Variants in HIP1R observed in about 807,000 individuals in gnomAD.
HIP1R encodes huntingtin-interacting protein 1-related protein.
A neutral mutation model predicts 144.2 loss-of-function variants in HIP1R; 135 were observed. That is an observed-to-expected ratio of 0.94 (90% CI 0.81 to 1.08). The LOEUF is 1.08. Ranked by LOEUF, HIP1R falls within the 50% of genes least tolerant of loss-of-function variation. The pLI is 0.00. For missense variants in HIP1R, 1,462 were observed against 1,432.8 expected (o/e 1.02, Z -0.33); for synonymous variants, 698 against 612.8 (o/e 1.14, Z -2.05).
intron 8 of HIP1R, 55 bp downstream of exon 8, chr12:122,854,238 C>T: frequency 6.9e-7 from 1 of 1,455,740 alleles, no homozygotes; most frequent in Non-Finnish European, 9.2e-7. Context: ...ATGGCTTAGA[C>T]ATTCACTGTC....
rs1372898071 is a variant in HIP1R, at chr12:122,835,496, G to A, written c.-55G>A. On this transcript the variant is annotated 5_prime_UTR_variant, in exon 1 of 32. The change creates a new upstream start codon in the 5' untranslated region. Coordinates refer to ENST00000253083, the MANE Select transcript of HIP1R (RefSeq NM_003959.3). ...GTGCCTAGGCTGGGGCTGCCGGACC[G>A]TGAGGCTGTGAGTCGCGCGGACGGA... 31 of 1,259,844 alleles carry A rather than the reference G, an allele frequency of 2.5e-5. No individual in the cohort carries two copies. The highest frequency in any genetic ancestry group is 3.2e-5 in the African/African-American group (2 of 63,472). 78.0% of individuals were successfully genotyped at this position (1,259,844 alleles called of 1,614,324 possible). A position where few individuals can be genotyped will look rare whatever the true frequency, so the allele number is the denominator to read the frequency against.
At chr12:122,857,327 A>G in intron 18 of HIP1R, 112 bp downstream of exon 18, 1 of 1,006,670 alleles carries the variant, frequency 9.9e-7, no homozygotes, top group South Asian at 1.4e-5. Context: ...GGGATCATAC[A>G]CGATGCATCC....
In HIP1R at chr12:122,836,819, G is replaced by A. The variant is rs1315692673; in HGVS notation, c.93+1176G>A. On this transcript the variant is annotated intron_variant, in intron 1 of 31. Coordinates refer to ENST00000253083, the MANE Select transcript of HIP1R (RefSeq NM_003959.3). This position sits in a 1 kb window ranked among gnomAD's most constrained non-coding sequence, Gnocchi z 4.1. ...TACAACAGCTTTCGTTTTGAAATGA[G>A]AGAGAACGCAGGGAGACCTTCTAAC... 1.3e-5 allele frequency among the ~76,000 whole-genome samples: 2 copies of A among 152,184 alleles called. No homozygotes were observed. The highest frequency in any genetic ancestry group is 2.1e-4 in the South Asian group (1 of 4,820).
chr12:122,850,754 G>T lies in HIP1R; in HGVS notation c.439-81G>T, dbSNP rs377187647. On this transcript the variant is annotated intron_variant, in intron 5 of 31. Transcript: ENST00000253083. ...GGCCCTGGTTCAGTGGCCGCTGGGT[G>T]GGGGGGAGCCCTGGTTCGGTGGCCG... The T allele has an allele frequency of 3.1e-4, 275 of 897,252 alleles. 5 individuals are homozygous for T. The East Asian group carries it at 8.9e-3, about 29-fold the overall frequency. The allele number at this position is 897,252 out of a possible 1,614,324, so 55.6% of individuals were successfully genotyped here.
In HIP1R at chr12:122,848,617, C is replaced by A; in HGVS notation, c.300+9C>A. On this transcript the variant is annotated intron_variant, in intron 3 of 31. Transcript: ENST00000253083. ...GAGACGGGCACCCCAATGTGAGTAG[C>A]AGCTGCTGCCTCTGCTCCCCGGAGC... 1 of 1,606,458 alleles carries A rather than the reference C, an allele frequency of 6.2e-7. No homozygotes were observed. The highest frequency in any genetic ancestry group is 2.2e-5 in the East Asian group (1 of 44,750).
rs540293097 is a variant in HIP1R at position 122,860,715 on chromosome 12, G to A, written c.2697G>A (p.Lys899=). The change falls in exon 28 of 32, where the codon AAG becomes AAA. Residue 899 remains lysine (K), a synonymous_variant. Transcript: ENST00000253083. ...AADKVVLHTG[K]YEELIVCSHE... is the part of the protein sequence containing the mutation. Reference sequence around the variant, plus strand: ...ACAAGGTGGTGCTTCACACGGGCAAGTATGAGGAGCTCATCGTCTGCTCCC... The same window carrying A: ...ACAAGGTGGTGCTTCACACGGGCAAATATGAGGAGCTCATCGTCTGCTCCC... The A allele has an allele frequency of 6.2e-7, 1 of 1,613,410 alleles. No individual in the cohort carries two copies. Among genetic ancestry groups the A allele is most frequent in the East Asian group, 2.2e-5 (1 of 44,870 alleles).
chr12:122,834,951 T>A (rs1000485485), upstream of HIP1R: 28 of 1,288,994 alleles, frequency 2.2e-5, no homozygotes, highest in African/African-American at 4.1e-4. Context: ...ACCAGACTCA[T>A]GGAGGCCAGA....
At chr12:122,856,218 C>G (rs1234106721) in intron 14 of HIP1R, 38 bp from the exon 15 acceptor site, 1 of 1,612,978 alleles carries the variant, frequency 6.2e-7, no homozygotes, top group South Asian at 1.1e-5. Context: ...CCCCTGCCAC[C>G]CCACACGGGG....
Position 122,835,478 on chromosome 12 carries a change from G to A in HIP1R, c.-73G>A, listed in dbSNP as rs1214887985. On this transcript the variant is annotated 5_prime_UTR_variant, in exon 1 of 32. Transcript: ENST00000253083. ...CGGCGCGGTGGCCTCGCGGTGCCTA[G>A]GCTGGGGCTGCCGGACCGTGAGGCT... The A allele has an allele frequency of 7.5e-6, 9 of 1,205,622 alleles. No individual in the cohort carries two copies. The highest frequency in any genetic ancestry group is 1.6e-5 in the African/African-American group (1 of 62,334). The allele number at this position is 1,205,622 out of a possible 1,614,324, so 74.7% of individuals were successfully genotyped here.
intron 1 of HIP1R, 126 bp from the exon 2 acceptor site, chr12:122,847,905 C>A: frequency 1.3e-6 from 1 of 749,326 alleles, no homozygotes; most frequent in Non-Finnish European, 2.2e-6. Flanking sequence ...TTCCTGTCTC[C>A]CCCATCGCTC....
Position 122,859,807 on chromosome 12 carries a change from G to A in HIP1R, c.2442G>A (p.Gly814=). The A allele has an allele frequency of 6.2e-7, 1 of 1,612,880 alleles. No individual in the cohort carries two copies. Among genetic ancestry groups the A allele is most frequent in the Non-Finnish European group, 8.5e-7 (1 of 1,179,806 alleles). ...MMNQARHASS[G]VKLEVNERIL... ...ACCAGGCACGCCACGCCAGCTCGGG[G>A]GTGAAGCTGGAGGTGAACGAGAGGT... The change falls in exon 24 of 32, where the codon GGG becomes GGA. Residue 814 remains glycine, a synonymous_variant. Coordinates refer to ENST00000253083, the MANE Select transcript of HIP1R (RefSeq NM_003959.3).
At chr12:122,859,691 GA>G (rs2033705669) in intron 23 of HIP1R, 80 bp from the exon 24 acceptor site, 1 of 1,507,430 alleles carries the variant, frequency 6.6e-7, no homozygotes, top group African/African-American at 1.4e-5. Flanking sequence ...TCAGAGCTGA[GA>G]GGGCAGGAGG....
intron 6 of HIP1R, 141 bp downstream of exon 6, chr12:122,851,052 G>T (rs116703400): frequency 1.1e-6 from 1 of 882,144 alleles, no homozygotes; most frequent in South Asian, 1.6e-5. Context: ...CACGCTCCCA[G>T]GGACAGAGGG....
At position 122,854,587 on chromosome 12, in the gene HIP1R, CTG is replaced by C. The variant is rs537731307; in HGVS notation, c.719-314_719-313del. Among the ~76,000 whole-genome samples the C allele has an allele frequency of 3.4e-3, 512 of 152,362 alleles. 5 individuals are homozygous for C. The highest frequency in any genetic ancestry group is 0.012 in the African/African-American group (479 of 41,582). On this transcript the variant is annotated intron_variant, in intron 8 of 31. Transcript: ENST00000253083. ...TCCCTCGACCGCACTTTGAGAACCA[CTG>C]TGTTAGTGTCAGCCTGGGACCAACG...
intron 11 of HIP1R, 42 bp downstream of exon 11, chr12:122,855,447 G>A: frequency 2.6e-6 from 4 of 1,549,770 alleles, no homozygotes; most frequent in Non-Finnish European, 3.5e-6. Context: ...TCCTCCAGCT[G>A]CAGCATGAGG....
At chr12:122,839,191 A>G (rs938982938) in intron 1 of HIP1R, among the ~76,000 whole-genome samples, 1 of 152,202 alleles carries the variant, frequency 6.6e-6, no homozygotes, top group African/African-American at 2.4e-5. Flanking sequence ...ATGAAGAAGG[A>G]CTCAGTTAGG....
At position 122,855,336 on chromosome 12, in the gene HIP1R, G is replaced by A. The variant is rs2033533144; in HGVS notation, c.924G>A (p.Glu308=). ...AGCCGGTGGTGGTGATCCCCGAGGA[G>A]GCCCCGGAAGATGAGGAGCCGGAGA... ...HIKPVVVIPE[E]APEDEEPENL... Residue 308 remains glutamate (E), a synonymous_variant, in exon 11 of 32, where the codon GAG becomes GAA. Coordinates refer to ENST00000253083, the MANE Select transcript of HIP1R (RefSeq NM_003959.3). The A allele has an allele frequency of 1.2e-6, 2 of 1,610,698 alleles. No homozygotes were observed. Among genetic ancestry groups the A allele is most frequent in the Admixed American group, 3.4e-5 (2 of 59,678 alleles).
At position 122,855,069 on chromosome 12, in the gene HIP1R, C is replaced by T. The variant is rs771885860; in HGVS notation, c.793C>T (p.Arg265Cys). The T allele has an allele frequency of 8.7e-6, 14 of 1,613,894 alleles. No homozygotes were observed. Among genetic ancestry groups the T allele is most frequent in the Middle Eastern group, 1.6e-4 (1 of 6,062 alleles). ...TCTCTGCAGCCTCAGGAACTTCTTC[C>T]GCAGAGCCTCCGACATGCTGTACTT... ...EQFHSLRNFF[R>C]RASDMLYFKR... is the part of the protein sequence containing the mutation. The change falls in exon 10 of 32, where the codon CGC becomes TGC. Residue 265 changes from arginine (R) to cysteine (C), a missense_variant. By Grantham distance (180) the Arg-to-Cys change is radical. Coordinates refer to ENST00000253083, the MANE Select transcript of HIP1R (RefSeq NM_003959.3).
intron 1 of HIP1R, among the ~76,000 whole-genome samples, chr12:122,839,992 C>T (rs988563813): frequency 6.6e-6 from 1 of 152,220 alleles, no homozygotes; most frequent in African/African-American, 2.4e-5. Flanking sequence ...GTGATTTGCC[C>T]GCAGCATGGC....
Sources: gnomAD v4.1 joint callset for allele counts (sites outside exome capture counted in the v4.1 genomes callset) on GRCh38, gnomAD v4.1.1 for gene constraint, Gnocchi (gnomAD v3.1) non-coding constraint, MANE v1.5 for transcripts, NCBI Gene and HGNC (gene_info 2026-07-23, HGNC 2026-07-21) for gene names.